GRAMD1B: variants seen among roughly 807,000 people sequenced by gnomAD.
The protein encoded by GRAMD1B is protein Aster-B.
Under a neutral mutation model 99.7 loss-of-function variants are expected in GRAMD1B, and 37 were observed. The ratio of observed to expected loss-of-function variants is 0.37; its 90% CI spans 0.29 to 0.49. GRAMD1B has a LOEUF of 0.49. Ranked by LOEUF, GRAMD1B falls within the 20% of genes least tolerant of loss-of-function variation. The pLI is 0.98. For synonymous variants in GRAMD1B, 427 were observed against 387.6 expected (o/e 1.10, Z -1.19); for missense variants, 888 against 1,009.2 (o/e 0.88, Z 1.63).
intron 1 of GRAMD1B, among the ~76,000 whole-genome samples, chr11:123,480,079 G>A (rs1456846457): frequency 6.6e-6 from 1 of 152,212 alleles, no homozygotes; most frequent in East Asian, 1.9e-4. Context: ...TGTCTGATAA[G>A]CTTTTCTTTC....
chr11:123,614,874 C>G (rs777020802), intron 17 of GRAMD1B, 39 bp downstream of exon 17: 1 of 1,192,410 alleles, frequency 8.4e-7, no homozygotes, highest in East Asian at 2.4e-5. Flanking sequence ...CCCTCACCAC[C>G]TTCCCTTTCC....
intron 7 of GRAMD1B, chr11:123,599,458 C>G (rs1951681558): frequency 3.1e-6 from 2 of 635,688 alleles, no homozygotes; most frequent in Admixed American, 1.8e-5. Flanking sequence ...TCCATCTTCC[C>G]TTCACCACGG....
chr11:123,565,606 G>C (rs140332825), intron 2 of GRAMD1B, among the ~76,000 whole-genome samples: 1 of 152,224 alleles, frequency 6.6e-6, no homozygotes, highest in Non-Finnish European at 1.5e-5. Context: ...ACTGTGGCAC[G>C]TAAGAGTGCC....
chr11:123,612,582 G>A (rs759467548), intron 14 of GRAMD1B, among the ~76,000 whole-genome samples, 179 bp from the exon 15 acceptor site: 1 of 152,176 alleles, frequency 6.6e-6, no homozygotes, highest in Non-Finnish European at 1.5e-5. Flanking sequence ...TATAAAATGG[G>A]GATAAATCCA....
At chr11:123,390,355 C>T (rs891516425) in intron 1 of GRAMD1B, among the ~76,000 whole-genome samples, 1 of 152,214 alleles carries the variant, frequency 6.6e-6, no homozygotes, top group African/African-American at 2.4e-5. Context: ...TCACCTCCTG[C>T]CTGTCTCTGG....
At chr11:123,440,280 G>A (rs985041557) in intron 1 of GRAMD1B, among the ~76,000 whole-genome samples, 2 of 152,166 alleles carry the variant, frequency 1.3e-5, no homozygotes, top group African/African-American at 2.4e-5. Context: ...GGAGGCCAAC[G>A]CAGGCAGATA....
At chr11:123,449,708 G>A (rs529868404) in intron 1 of GRAMD1B, among the ~76,000 whole-genome samples, 1 of 89,656 alleles carries the variant, frequency 1.1e-5, no homozygotes, top group South Asian at 3.1e-4. Flanking sequence ...ATGCCACCAT[G>A]CCTGGCTTTT....
At position 123,619,167 on chromosome 11, in the gene GRAMD1B, T is replaced by C. The variant is rs1565477945; in HGVS notation, c.2487T>C (p.Asp829=). ...QLLESQQKYH[D]TELQKWREII... ...TAGAGTCCCAACAAAAGTACCACGA[T>C]ACTGAGCTCCAAAAATGGAGGGAAA... The change falls in exon 19 of 20, where the codon GAT becomes GAC. Residue 829 remains aspartate (D), a synonymous_variant. Coordinates refer to ENST00000635736, the MANE Select transcript of GRAMD1B (RefSeq NM_001387025.1). 1 of 1,571,182 alleles carries C rather than the reference T, an allele frequency of 6.4e-7. No homozygotes were observed. Among genetic ancestry groups the C allele is most frequent in the East Asian group, 2.4e-5 (1 of 42,402 alleles).
chr11:123,560,526 A>G, intron 2 of GRAMD1B: 1 of 1,265,390 alleles, frequency 7.9e-7, no homozygotes, highest in Non-Finnish European at 1.0e-6. Flanking sequence ...ATGGTCATGG[A>G]GGTGAGTGCC....
intron 7 of GRAMD1B, among the ~76,000 whole-genome samples, chr11:123,597,769 T>C (rs759428737): frequency 2.0e-5 from 3 of 152,172 alleles, no homozygotes; most frequent in Non-Finnish European, 2.9e-5. Context: ...ATATAAAACA[T>C]AAAACACATC....
In GRAMD1B at chr11:123,431,026, G is replaced by T. The variant is rs1259580916; in HGVS notation, c.234G>T (p.Pro78=). The T allele has an allele frequency of 4.3e-6, 3 of 702,914 alleles. No homozygotes were observed. Among genetic ancestry groups the T allele is most frequent in the Non-Finnish European group, 7.8e-6 (3 of 384,988 alleles). The allele number at this position is 702,914 out of a possible 1,614,324, so 43.5% of individuals were successfully genotyped here. The change falls in exon 1 of 20, where the codon CCG becomes CCT. Residue 78 remains proline (P), a synonymous_variant. Transcript: ENST00000635736. ...LAPGKEFLQL[P]SIEITPSSDE... ...CCGGCAAGGAGTTCCTGCAGCTGCC[G>T]TCCATCGAGATCACGCCCTCCAGCG...
At position 123,591,417 on chromosome 11, in the gene GRAMD1B, G is replaced by A; in HGVS notation, c.685-2665G>A. 1 of 399,110 alleles carries A rather than the reference G, an allele frequency of 2.5e-6. No individual in the cohort carries two copies. Among genetic ancestry groups the A allele is most frequent in the Non-Finnish European group, 4.4e-6 (1 of 226,124 alleles). The allele number at this position is 399,110 out of a possible 1,614,324, so 24.7% of individuals were successfully genotyped here. On this transcript the variant is annotated intron_variant, in intron 4 of 19. Coordinates refer to ENST00000635736, the MANE Select transcript of GRAMD1B (RefSeq NM_001387025.1). The surrounding 1 kb of genome is among the most constrained non-coding windows in gnomAD (Gnocchi z 4.7). ...GCAATGGAATCACTGACGGAGTCGG[G>A]GGTCCTCTGGAGCCTTCTGCTGGAG...
chr11:123,571,645 T>C (rs2136153174), intron 2 of GRAMD1B, among the ~76,000 whole-genome samples: 1 of 152,116 alleles, frequency 6.6e-6, no homozygotes, highest in South Asian at 2.1e-4. Flanking sequence ...GGCTTAAAGG[T>C]GGCTGGTGGG....
chr11:123,503,537 T>G (rs1170659364), intron 2 of GRAMD1B, among the ~76,000 whole-genome samples: 1 of 148,912 alleles, frequency 6.7e-6, no homozygotes, highest in Non-Finnish European at 1.5e-5. Flanking sequence ...TACTGCATTT[T>G]CATTTAAATT....
chr11:123,471,029 C>T lies in GRAMD1B; in HGVS notation c.375-9787C>T, dbSNP rs78016725. Among the ~76,000 whole-genome samples, 9 of 152,244 alleles carry T rather than the reference C, an allele frequency of 5.9e-5. No individual in the cohort carries two copies. In the East Asian group the frequency reaches 1.3e-3, roughly 23 times the overall value. ...TTTAAATTTATGTAGCCGCATGTGACGAGTGACCACATCGTTCAGTTCTGT... is the reference window on the plus strand; with the variant it reads ...TTTAAATTTATGTAGCCGCATGTGATGAGTGACCACATCGTTCAGTTCTGT... On this transcript the variant is annotated intron_variant, in intron 1 of 19. Transcript: ENST00000635736.
intron 16 of GRAMD1B, 23 bp from the exon 17 acceptor site, chr11:123,614,722 G>A (rs1197527426): frequency 1.3e-6 from 2 of 1,489,710 alleles, no homozygotes; most frequent in Non-Finnish European, 1.9e-6. Flanking sequence ...CCATGGTGAT[G>A]GTCTCTTTAA....
At chr11:123,437,405 AG>A (rs1191263100) in intron 1 of GRAMD1B, among the ~76,000 whole-genome samples, 1 of 152,088 alleles carries the variant, frequency 6.6e-6, no homozygotes. Flanking sequence ...CACTCTCTGG[AG>A]GGGGAAGGGA....
intron 2 of GRAMD1B, among the ~76,000 whole-genome samples, chr11:123,487,979 C>T (rs1938061629): frequency 6.6e-6 from 1 of 152,198 alleles, no homozygotes; most frequent in African/African-American, 2.4e-5. Flanking sequence ...ATACCATAGA[C>T]TGGGTGTCTT....
chr11:123,415,645 C>T (rs569701430), intron 1 of GRAMD1B, among the ~76,000 whole-genome samples: 3 of 151,960 alleles, frequency 2.0e-5, no homozygotes, highest in East Asian at 1.9e-4. Context: ...AAATAAATGT[C>T]GTTAGGTTCT....
Sources: gnomAD v4.1 joint callset for allele counts (sites outside exome capture counted in the v4.1 genomes callset) on GRCh38, gnomAD v4.1.1 for gene constraint, Gnocchi (gnomAD v3.1) non-coding constraint, MANE v1.5 for transcripts, NCBI Gene and HGNC (gene_info 2026-07-23, HGNC 2026-07-21) for gene names.